Variants in BCL7A observed in about 807,000 individuals in gnomAD.
BCL7A encodes the protein B-cell CLL/lymphoma 7 protein family member A.
A neutral mutation model predicts 28.4 loss-of-function variants in BCL7A; 11 were observed. That is an observed-to-expected ratio of 0.39 (90% CI 0.24 to 0.64). The LOEUF (loss-of-function observed/expected upper bound fraction) is 0.64, where lower values mean the gene tolerates loss of function less well. Ranked by LOEUF, BCL7A falls within the 30% of genes least tolerant of loss-of-function variation. BCL7A has a pLI of 0.50. For missense variants in BCL7A, 222 were observed against 274.8 expected, an observed-to-expected ratio of 0.81 and a Z score of 1.36; for synonymous variants, 123 against 103.3, an observed-to-expected ratio of 1.19 and a Z score of -1.15.
intron 1 of BCL7A, among the ~76,000 whole-genome samples, chr12:122,023,220 C>T (rs1274653183): frequency 6.6e-6 from 1 of 152,172 alleles, no homozygotes; most frequent in Non-Finnish European, 1.5e-5. Flanking sequence ...GTTGAAAACT[C>T]CCCGCTGCCT....
chr12:122,024,054 A>G (rs2135835579), intron 1 of BCL7A, among the ~76,000 whole-genome samples: 1 of 151,958 alleles, frequency 6.6e-6, no homozygotes, highest in East Asian at 2.0e-4. Flanking sequence ...GCAGATGGAG[A>G]GATGGGGCTT....
rs138061250 is a variant in BCL7A, at chr12:122,045,329, C to T, written c.439+1276C>T. On this transcript the variant is annotated intron_variant, in intron 4 of 5. Coordinates refer to ENST00000261822, the MANE Select transcript of BCL7A (RefSeq NM_001024808.3). Reference sequence around the variant, plus strand: ...CCAGGAGGCGGAGGTTGCAGTGAGCCGAAATTGTGCCATTGCACTCCAGTC... The same window carrying T: ...CCAGGAGGCGGAGGTTGCAGTGAGCTGAAATTGTGCCATTGCACTCCAGTC... Among the ~76,000 whole-genome samples the T allele has an allele frequency of 7.7e-3, 1,171 of 152,102 alleles. 7 individuals carry two copies. Among genetic ancestry groups the T allele is most frequent in the Admixed American group, 0.013 (194 of 15,280 alleles).
chr12:122,023,005 GCTGTTGTTTTTGTTCTCTGCACC>G, intron 1 of BCL7A, among the ~76,000 whole-genome samples: 1 of 152,274 alleles, frequency 6.6e-6, no homozygotes, highest in Non-Finnish European at 1.5e-5. Flanking sequence ...TGCGGAGGGA[GCTGTTGTTTTTGTTCTCTGCACC>G]GGGGAGAGGG....
At chr12:122,058,065 C>A (rs1951890504) in intron 5 of BCL7A, among the ~76,000 whole-genome samples, 1 of 151,644 alleles carries the variant, frequency 6.6e-6, no homozygotes, top group African/African-American at 2.4e-5. Flanking sequence ...GGCATGGTGG[C>A]ACATGCATAT....
intron 1 of BCL7A, among the ~76,000 whole-genome samples, chr12:122,024,240 T>C (rs914770748): frequency 2.6e-5 from 4 of 152,314 alleles, no homozygotes; most frequent in African/African-American, 7.2e-5. Context: ...ATGGTCCAGC[T>C]TCCAGTTCAC....
In BCL7A at chr12:122,029,992, G is replaced by C. The variant is rs571821872; in HGVS notation, c.93-708G>C. ...CATCCATAAACCTGCCTCTCACAGT[G>C]GGGGGTCTGGACTCCGTCCTTCAGG... On this transcript the variant is annotated intron_variant, in intron 1 of 5. Coordinates refer to ENST00000261822, the MANE Select transcript of BCL7A (RefSeq NM_001024808.3). This position sits in a 1 kb window ranked among gnomAD's most constrained non-coding sequence, Gnocchi z 4.3. Among the ~76,000 whole-genome samples the C allele has an allele frequency of 6.6e-6, 1 of 152,298 alleles. No homozygotes were observed. The highest frequency in any genetic ancestry group is 2.1e-4 in the South Asian group (1 of 4,826).
At chr12:122,030,493 A>G (rs1883719329) in intron 1 of BCL7A, among the ~76,000 whole-genome samples, 2 of 152,206 alleles carry the variant, frequency 1.3e-5, no homozygotes, top group African/African-American at 4.8e-5. Context: ...TGGAGAGGGC[A>G]ACCACCCTAT....
chr12:122,056,442 A>G (rs191716696), intron 5 of BCL7A, among the ~76,000 whole-genome samples: 144 of 152,212 alleles, frequency 9.5e-4, no homozygotes, highest in African/African-American at 3.4e-3. Flanking sequence ...TATTGTCCAC[A>G]GAGCTAGGTG....
chr12:122,025,992 G>A lies in BCL7A; in HGVS notation c.92+3809G>A, dbSNP rs1412609124. Among the ~76,000 whole-genome samples the A allele has an allele frequency of 2.0e-5, 3 of 149,838 alleles. 1 individual carries two copies. The South Asian group carries it at 6.3e-4, about 32-fold the overall frequency. On this transcript the variant is annotated intron_variant, in intron 1 of 5. Coordinates refer to ENST00000261822, the MANE Select transcript of BCL7A (RefSeq NM_001024808.3). ...AAGAAGAAAGAAAAGAGAAAAGGCCGGGCACGTTGGCTCACACCTGTAATC... is the reference window on the plus strand; with the variant it reads ...AAGAAGAAAGAAAAGAGAAAAGGCCAGGCACGTTGGCTCACACCTGTAATC...
chr12:122,037,885 G>A (rs1348129704), intron 3 of BCL7A, among the ~76,000 whole-genome samples: 1 of 152,218 alleles, frequency 6.6e-6, no homozygotes, highest in Non-Finnish European at 1.5e-5. Flanking sequence ...GGAGGCAGAG[G>A]TTGCGGTGAG....
chr12:122,022,982 C>G (rs1593019579), intron 1 of BCL7A, among the ~76,000 whole-genome samples: 4 of 152,234 alleles, frequency 2.6e-5, no homozygotes, highest in African/African-American at 4.8e-5. Flanking sequence ...ACACCGGGAG[C>G]TCGTGTTTGT....
chr12:122,055,823 G>A (rs1205412479), intron 5 of BCL7A, among the ~76,000 whole-genome samples: 1 of 152,152 alleles, frequency 6.6e-6, no homozygotes, highest in Non-Finnish European at 1.5e-5. Context: ...TCACCATGTT[G>A]GCCAGGCTGG....
chr12:122,058,289 G>A (rs1951892892), intron 5 of BCL7A, among the ~76,000 whole-genome samples: 1 of 152,226 alleles, frequency 6.6e-6, no homozygotes. Context: ...CAGATCACCT[G>A]AGGTCAGGAG....
chr12:122,032,970 G>T (rs1451472373), intron 2 of BCL7A, among the ~76,000 whole-genome samples: 2 of 152,176 alleles, frequency 1.3e-5, no homozygotes, highest in East Asian at 1.9e-4. Flanking sequence ...AATCTGCCTT[G>T]TGGAGGGAGA....
intron 3 of BCL7A, among the ~76,000 whole-genome samples, chr12:122,037,810 G>A (rs975322532): frequency 6.6e-6 from 1 of 152,164 alleles, no homozygotes; most frequent in Non-Finnish European, 1.5e-5. Context: ...TTAGCCAGGC[G>A]TGGGGGCGCG....
At chr12:122,039,427 A>G (rs965563799) in intron 3 of BCL7A, among the ~76,000 whole-genome samples, 16 of 148,060 alleles carry the variant, frequency 1.1e-4, no homozygotes, top group Non-Finnish European at 2.2e-4. Context: ...TGGAGGCTGC[A>G]GTGAACAGTA....
At chr12:122,042,594 G>T (rs1017975242) in intron 3 of BCL7A, among the ~76,000 whole-genome samples, 1 of 150,146 alleles carries the variant, frequency 6.7e-6, no homozygotes, top group Non-Finnish European at 1.5e-5. Context: ...AGGTTGCAGC[G>T]AGCCCAGATC....
rs776349531 is a variant in BCL7A at position 122,022,203 on chromosome 12, G to C, written c.92+20G>C. On this transcript the variant is annotated intron_variant, in intron 1 of 5. Transcript: ENST00000261822. ...CAAATGGTAAGCGGAGGCGCCCGCC[G>C]CCAGCCGCCTCCCCGGCCGCCCCGA... 50 of 1,432,076 alleles carry C rather than the reference G, an allele frequency of 3.5e-5. No homozygotes were observed. In the African/African-American group the frequency reaches 7.2e-4, roughly 21 times the overall value. 88.7% of individuals were successfully genotyped at this position (1,432,076 alleles called of 1,614,324 possible).
intron 4 of BCL7A, among the ~76,000 whole-genome samples, chr12:122,048,765 A>T (rs1385547934): frequency 6.6e-6 from 1 of 151,854 alleles, no homozygotes. Flanking sequence ...CACACCTGTA[A>T]TCCCAGCACT....
Sources: allele counts gnomAD v4.1 joint callset (sites outside exome capture counted in the v4.1 genomes callset), GRCh38; gene constraint gnomAD v4.1.1; non-coding constraint Gnocchi (gnomAD v3.1); transcripts MANE v1.5; gene names NCBI Gene and HGNC (gene_info 2026-07-23, HGNC 2026-07-21).